LRRC42: variants seen among roughly 807,000 people sequenced by gnomAD.
LRRC42 encodes the protein leucine-rich repeat-containing protein 42.
In LRRC42, 43 loss-of-function variants were observed where a neutral mutation model predicts 44.3. That is an observed-to-expected ratio of 0.97 (90% CI 0.76 to 1.25). LRRC42 has a LOEUF of 1.25. Among genes scored for constraint, LRRC42 ranks in the 50% most tolerant of loss-of-function variants. The probability of loss-of-function intolerance (pLI) is 0.00; values close to 1 mark genes in which losing one functional copy is unlikely to be tolerated. For missense variants in LRRC42, 540 were observed against 509.1 expected (o/e 1.06, Z -0.58); for synonymous variants, 207 against 195.2 (o/e 1.06, Z -0.50).
chr1:53,960,625 A>G (rs1028262000), intron 5 of LRRC42, 151 bp downstream of exon 5: 5 of 624,518 alleles, frequency 8.0e-6, no homozygotes, highest in Non-Finnish European at 1.4e-5. Flanking sequence ...GATTGAGGCC[A>G]AAGACTCTTG....
intron 7 of LRRC42, among the ~76,000 whole-genome samples, chr1:53,964,094 A>G (rs1027545516): frequency 2.0e-5 from 3 of 150,234 alleles, no homozygotes; most frequent in Non-Finnish European, 4.4e-5. Flanking sequence ...CTCCTTGCCT[A>G]CTCAGTTCTT....
intron 7 of LRRC42, 41 bp from the exon 8 acceptor site, chr1:53,966,255 A>G (rs1445067338): frequency 2.0e-6 from 3 of 1,489,586 alleles, no homozygotes; most frequent in Non-Finnish European, 2.8e-6. Context: ...TTAAAATCTC[A>G]ATATTTTGTT....
At chr1:53,954,382 G>A (rs1425064142) in intron 3 of LRRC42, among the ~76,000 whole-genome samples, 1 of 152,164 alleles carries the variant, frequency 6.6e-6, no homozygotes, top group East Asian at 1.9e-4. Flanking sequence ...AAATGAAAAA[G>A]TCAAGCAATA....
chr1:53,951,908 C>T, intron 2 of LRRC42, 78 bp from the exon 3 acceptor site: 2 of 1,177,324 alleles, frequency 1.7e-6, no homozygotes, highest in South Asian at 1.5e-5. Flanking sequence ...TCATAAAGCC[C>T]TGGGCACAGC....
At chr1:53,947,214 C>T (rs952632400) in intron 1 of LRRC42, among the ~76,000 whole-genome samples, 18 of 150,934 alleles carry the variant, frequency 1.2e-4, no homozygotes, top group Admixed American at 1.1e-3. Flanking sequence ...ACCAGGGGCT[C>T]GGAAGGGCTG....
chr1:53,960,467 C>G lies in LRRC42; in HGVS notation c.717C>G (p.Asp239Glu), dbSNP rs539369488. 11 of 1,598,416 alleles carry G rather than the reference C, an allele frequency of 6.9e-6. No homozygotes were observed. Among genetic ancestry groups the G allele is most frequent in the Non-Finnish European group, 9.4e-6 (11 of 1,168,108 alleles). ...GCCTTGAGAATCTAACATTATTAGA[C>G]TTATCATGTAAGTTTTCTTCGAAAT... ...KRGLENLTLL[D>E]LSCNPEITDA... is the part of the protein sequence containing the mutation. Residue 239 changes from aspartate to glutamate, a missense_variant, in exon 5 of 9, where the codon GAC becomes GAG. Physicochemically the swap from Asp to Glu is conservative, Grantham distance 45. Transcript: ENST00000371370.
chr1:53,964,933 G>A (rs548185581), intron 7 of LRRC42, among the ~76,000 whole-genome samples: 5 of 151,592 alleles, frequency 3.3e-5, no homozygotes, highest in Admixed American at 6.6e-5. Context: ...GGATCCTACC[G>A]CCTCGGCCAC....
intron 3 of LRRC42, among the ~76,000 whole-genome samples, chr1:53,953,368 GT>G (rs1048041486): frequency 6.6e-6 from 1 of 150,914 alleles, no homozygotes; most frequent in Admixed American, 6.6e-5. Flanking sequence ...ATTTTTTTTT[GT>G]TTTTTTTGAG....
At chr1:53,949,890 C>T (rs1038739349) in intron 2 of LRRC42, among the ~76,000 whole-genome samples, 5 of 152,244 alleles carry the variant, frequency 3.3e-5, no homozygotes, top group Non-Finnish European at 7.3e-5. Context: ...ACAGTATCAG[C>T]AGGCCCTACA....
intron 3 of LRRC42, among the ~76,000 whole-genome samples, chr1:53,955,691 C>T (rs1468799188): frequency 6.2e-5 from 9 of 145,404 alleles, no homozygotes; most frequent in East Asian, 2.0e-4. Context: ...TGCAGTGGCT[C>T]GATCTCAGCT....
At chr1:53,960,200 C>T (rs1654956241) in intron 4 of LRRC42, among the ~76,000 whole-genome samples, 156 bp from the exon 5 acceptor site, 1 of 152,086 alleles carries the variant, frequency 6.6e-6, no homozygotes, top group Non-Finnish European at 1.5e-5. Flanking sequence ...ATGCCCAGCC[C>T]AAAAGAGCTT....
At chr1:53,953,919 T>C (rs1654761750) in intron 3 of LRRC42, among the ~76,000 whole-genome samples, 1 of 151,460 alleles carries the variant, frequency 6.6e-6, no homozygotes, top group East Asian at 2.0e-4. Flanking sequence ...TTTTAGTAGA[T>C]ACGGGGTTTC....
chr1:53,953,357 GA>G (rs1178443802), intron 3 of LRRC42, among the ~76,000 whole-genome samples: 5 of 152,066 alleles, frequency 3.3e-5, no homozygotes, highest in African/African-American at 7.2e-5. Context: ...AATACTTGTA[GA>G]TTTTTTTTTG....
rs756535086 is a variant in LRRC42 at position 53,958,142 on chromosome 1, TC to T, written c.474-5del. Reference sequence around the variant, plus strand: ...GGAAGCTATTGATTGCTCTCCACGCTCCGTAGGTATCTCGTGATTTCAGAAA... The same window carrying T: ...GGAAGCTATTGATTGCTCTCCACGCTCGTAGGTATCTCGTGATTTCAGAAA... On this transcript the variant is annotated splice_polypyrimidine_tract_variant and splice_region_variant and intron_variant, in intron 3 of 8. Transcript: ENST00000371370. The T allele has an allele frequency of 6.2e-6, 10 of 1,613,384 alleles. No homozygotes were observed. The East Asian group carries it at 1.8e-4, about 29-fold the overall frequency.
intron 2 of LRRC42, 21 bp from the exon 3 acceptor site, chr1:53,951,964 TC>T: frequency 1.7e-5 from 26 of 1,560,626 alleles, no homozygotes; most frequent in Non-Finnish European, 2.2e-5. Flanking sequence ...TGGATTTGCT[TC>T]CCTGTGCCTT....
intron 5 of LRRC42, among the ~76,000 whole-genome samples, chr1:53,961,113 A>G (rs556591614): frequency 6.6e-6 from 1 of 152,332 alleles, no homozygotes; most frequent in South Asian, 2.1e-4. Flanking sequence ...AAATGAGGAT[A>G]ATAATGAATG....
intron 2 of LRRC42, among the ~76,000 whole-genome samples, chr1:53,950,145 A>T (rs574465466): frequency 6.6e-6 from 1 of 152,226 alleles, no homozygotes; most frequent in East Asian, 1.9e-4. Context: ...CCAGACAGGC[A>T]CGTACTGGTG....
In LRRC42 at chr1:53,952,281, G is replaced by A. The variant is rs775766513; in HGVS notation, c.282G>A (p.Leu94=). Residue 94 remains leucine, a synonymous_variant, in exon 3 of 9, where the codon CTG becomes CTA. Coordinates refer to ENST00000371370, the MANE Select transcript of LRRC42 (RefSeq NM_001256409.2). ...CCAAATCCCTCTTCAGCCTTGTCCT[G>A]GGTTTCATCTCCGACAATGTGGATC... ...YSAKSLFSLV[L]GFISDNVDHI... is the part of the protein sequence containing the mutation. 2 of 1,614,220 alleles carry A rather than the reference G, an allele frequency of 1.2e-6. No individual in the cohort carries two copies. The highest frequency in any genetic ancestry group is 1.7e-6 in the Non-Finnish European group (2 of 1,180,042).
chr1:53,955,917 C>T (rs1016006273), intron 3 of LRRC42, among the ~76,000 whole-genome samples: 2 of 152,300 alleles, frequency 1.3e-5, no homozygotes, highest in South Asian at 2.1e-4. Flanking sequence ...CGTGAGCCAC[C>T]GCGCCCGGCC....
Sources: allele counts gnomAD v4.1 joint callset (sites outside exome capture counted in the v4.1 genomes callset), GRCh38; gene constraint gnomAD v4.1.1; transcripts MANE v1.5; gene names NCBI Gene and HGNC (gene_info 2026-07-23, HGNC 2026-07-21).